Variants in BDP1 observed in about 807,000 individuals in gnomAD.
BDP1 encodes transcription factor TFIIIB component B'' homolog.
Under a neutral mutation model 266.6 loss-of-function variants are expected in BDP1, and 169 were observed. The observed-to-expected ratio is 0.63, with a 90% CI of 0.56 to 0.72. BDP1 has a LOEUF of 0.72. BDP1 is among the 30% of genes least tolerant of loss of function. The pLI, the probability that BDP1 is intolerant of heterozygous loss-of-function variation, is 0.00. For missense variants in BDP1, 3,015 were observed against 3,053.8 expected, an observed-to-expected ratio of 0.99 and a Z score of 0.30; for synonymous variants, 1,090 against 1,022.4, an observed-to-expected ratio of 1.07 and a Z score of -1.26.
At chr5:71,569,012 G>A (rs747438633), downstream of BDP1, among the ~76,000 whole-genome samples, 23 of 152,280 alleles carry the variant, frequency 1.5e-4, no homozygotes, top group Admixed American at 4.6e-4. Flanking sequence ...GGTATTAGGA[G>A]TTGTGTTGAT....
chr5:71,538,383 C>T (rs1177456918), intron 26 of BDP1, among the ~76,000 whole-genome samples: 1 of 152,150 alleles, frequency 6.6e-6, no homozygotes, highest in Non-Finnish European at 1.5e-5. Flanking sequence ...GAGGTGGAGT[C>T]TCTGCCATGC....
chr5:71,572,818 A>G (rs1744313155), downstream of BDP1, among the ~76,000 whole-genome samples: 1 of 152,132 alleles, frequency 6.6e-6, no homozygotes, highest in Non-Finnish European at 1.5e-5. Context: ...TGTTTTTTCC[A>G]CTTGGAGTTT....
chr5:71,496,438 ATTTTT>A (rs10682137), intron 12 of BDP1, among the ~76,000 whole-genome samples: 1 of 138,650 alleles, frequency 7.2e-6, no homozygotes, highest in African/African-American at 2.7e-5. Context: ...ACATTTATGA[ATTTTT>A]TTTTTTTTTT....
At chr5:71,495,905 A>G (rs868517446) in intron 12 of BDP1, among the ~76,000 whole-genome samples, 13 of 152,228 alleles carry the variant, frequency 8.5e-5, no homozygotes, top group Non-Finnish European at 1.5e-4. Context: ...ACTTCCTTTT[A>G]GTCTTCCTTG....
chr5:71,552,340 A>G, intron 34 of BDP1, among the ~76,000 whole-genome samples: 1 of 137,958 alleles, frequency 7.2e-6, no homozygotes, highest in Non-Finnish European at 1.6e-5. Flanking sequence ...CCTAGATGGG[A>G]TGGCCGCCGG....
chr5:71,511,838 T>C (rs1764938158), intron 17 of BDP1, among the ~76,000 whole-genome samples: 1 of 152,228 alleles, frequency 6.6e-6, no homozygotes, highest in South Asian at 2.1e-4. Flanking sequence ...TTAGACTGAA[T>C]TTGTACTAAC....
Position 71,491,049 on chromosome 5 carries a change from T to C in BDP1, c.1558T>C (p.Cys520Arg). 6.2e-7 allele frequency: 1 copy of C among 1,614,114 alleles called. No homozygotes were observed. Among genetic ancestry groups the C allele is most frequent in the Non-Finnish European group, 8.5e-7 (1 of 1,179,968 alleles). Residue 520 changes from cysteine (C) to arginine (R), a missense_variant, in exon 11 of 39, where the codon TGC (cysteine) becomes CGC (arginine). Transcript: ENST00000358731. ...GECSKEQMLS[C>R]TQNIDGIVGF... ...ATGCAGTAAGGAGCAGATGCTTTCCTGCACACAAAACATAGATGGCATTGT... is the reference window on the plus strand; with the variant it reads ...ATGCAGTAAGGAGCAGATGCTTTCCCGCACACAAAACATAGATGGCATTGT...
intron 19 of BDP1, among the ~76,000 whole-genome samples, chr5:71,514,707 C>T (rs1336628610): frequency 2.0e-5 from 3 of 152,008 alleles, no homozygotes; most frequent in African/African-American, 7.2e-5. Flanking sequence ...TTTTGTTTGT[C>T]TTTTCCGGTG....
In BDP1 at chr5:71,562,400, A is replaced by C. The variant is rs748032353; in HGVS notation, c.7623A>C (p.Lys2541Asn). 4 of 1,613,928 alleles carry C rather than the reference A, an allele frequency of 2.5e-6. No individual in the cohort carries two copies. The highest frequency in any genetic ancestry group is 1.3e-5 in the African/African-American group (1 of 74,910). The change falls in exon 38 of 39, where the codon AAA becomes AAC. Residue 2541 changes from lysine to asparagine, a missense_variant. Coordinates refer to ENST00000358731, the MANE Select transcript of BDP1 (RefSeq NM_018429.3). ...CTCTTATACCTGGATTAAGAAAGAAATTGAAAAGATCTAATCCATTCAATG... is the reference window on the plus strand; with the variant it reads ...CTCTTATACCTGGATTAAGAAAGAACTTGAAAAGATCTAATCCATTCAATG... Reference protein sequence around the residue: ...LKPLIPGLRKKLKRSNPFNES... With the variant: ...LKPLIPGLRKNLKRSNPFNES...
rs201226830 is a variant in BDP1, at chr5:71,504,692, A to G, written c.2313A>G (p.Lys771=). ...EEEDVILQPE[K]NDSFQNVQPD... is the part of the protein sequence containing the mutation. ...AAGATGTCATATTACAGCCTGAGAA[A>G]AATGATTCTTTTCAAAATGTGCAGC... Residue 771 remains lysine (K), a synonymous_variant, in exon 16 of 39, where the codon AAA becomes AAG. Coordinates refer to ENST00000358731, the MANE Select transcript of BDP1 (RefSeq NM_018429.3). 6 of 1,613,702 alleles carry G rather than the reference A, an allele frequency of 3.7e-6. No homozygotes were observed. In the Admixed American group the frequency reaches 1.0e-4, roughly 27 times the overall value.
intron 15 of BDP1, among the ~76,000 whole-genome samples, chr5:71,504,017 A>T (rs932399743): frequency 2.0e-5 from 3 of 152,078 alleles, no homozygotes; most frequent in African/African-American, 7.2e-5. Flanking sequence ...TCATGCCTGT[A>T]ATCCTAGCAC....
At chr5:71,520,482 C>T (rs1765440543) in intron 22 of BDP1, among the ~76,000 whole-genome samples, 1 of 152,110 alleles carries the variant, frequency 6.6e-6, no homozygotes, top group African/African-American at 2.4e-5. Context: ...GATCTCAGAG[C>T]AATTTAACTC....
intron 28 of BDP1, among the ~76,000 whole-genome samples, chr5:71,540,014 A>C (rs1766866153): frequency 6.6e-6 from 1 of 152,128 alleles, no homozygotes; most frequent in African/African-American, 2.4e-5. Flanking sequence ...GTCTTTTGCA[A>C]AGGAGTTGCT....
At chr5:71,568,518 G>A (rs1744154045), downstream of BDP1, among the ~76,000 whole-genome samples, 2 of 152,280 alleles carry the variant, frequency 1.3e-5, no homozygotes, top group Admixed American at 6.5e-5. Context: ...GCCCAGGCTG[G>A]AGTGTGGTGG....
intron 8 of BDP1, among the ~76,000 whole-genome samples, chr5:71,486,213 TAAAC>T (rs1763250423): frequency 6.6e-6 from 1 of 152,220 alleles, no homozygotes; most frequent in Admixed American, 6.5e-5. Flanking sequence ...TTATTTGCAA[TAAAC>T]AAATTATTAC....
intron 7 of BDP1, among the ~76,000 whole-genome samples, 186 bp downstream of exon 7, chr5:71,470,675 G>T (rs544384292): frequency 2.0e-5 from 3 of 150,732 alleles, no homozygotes; most frequent in African/African-American, 7.3e-5. Flanking sequence ...TGCAACCTCT[G>T]CCTCCGGGTT....
At chr5:71,507,232 G>T (rs1357982487) in intron 16 of BDP1, among the ~76,000 whole-genome samples, 1 of 152,108 alleles carries the variant, frequency 6.6e-6, no homozygotes, top group African/African-American at 2.4e-5. Context: ...CTCCATTCAT[G>T]ATCCTCTTGT....
chr5:71,539,660 A>G lies in BDP1; in HGVS notation c.6022+11A>G. On this transcript the variant is annotated intron_variant, in intron 28 of 38. Transcript: ENST00000358731. ...GTGAACAGGGTGATGGTAAGAATGA[A>G]AGCTAAGTCCTATCAAAAATAGAAA... 2 of 1,573,848 alleles carry G rather than the reference A, an allele frequency of 1.3e-6. No homozygotes were observed. Among genetic ancestry groups the G allele is most frequent in the Non-Finnish European group, 1.7e-6 (2 of 1,149,734 alleles).
intron 24 of BDP1, 87 bp from the exon 25 acceptor site, chr5:71,523,852 A>G: frequency 1.5e-6 from 2 of 1,309,244 alleles, no homozygotes; most frequent in Non-Finnish European, 1.0e-6. Flanking sequence ...AATGACTGGA[A>G]CTGGAATTTC....
Sources: allele counts gnomAD v4.1 joint callset (sites outside exome capture counted in the v4.1 genomes callset), GRCh38; gene constraint gnomAD v4.1.1; transcripts MANE v1.5; gene names NCBI Gene and HGNC (gene_info 2026-07-23, HGNC 2026-07-21).